CDH10: variants seen among roughly 807,000 people sequenced by gnomAD.
CDH10 encodes the protein cadherin-10.
CDH10 carries 30 observed loss-of-function variants against 73.1 expected under a neutral mutation model. The observed-to-expected ratio is 0.41, with a 90% CI of 0.31 to 0.56. CDH10 has a LOEUF of 0.56. CDH10 is among the 20% of genes least tolerant of loss of function. The pLI is 0.27. For missense variants in CDH10, 815 were observed against 973.7 expected (o/e 0.84, Z 2.17); for synonymous variants, 345 against 348.2 (o/e 0.99, Z 0.10).
chr5:24,556,608 C>A (rs982411339), intron 2 of CDH10, among the ~76,000 whole-genome samples: 1 of 151,496 alleles, frequency 6.6e-6, no homozygotes. Context: ...CTAAAAAATA[C>A]CCTAAAAGTG....
chr5:24,618,702 A>T (rs2112162132), intron 1 of CDH10, among the ~76,000 whole-genome samples: 1 of 152,320 alleles, frequency 6.6e-6, no homozygotes, highest in African/African-American at 2.4e-5. Context: ...GTAATTATCT[A>T]AATAATGCTT....
intron 5 of CDH10, among the ~76,000 whole-genome samples, chr5:24,519,049 C>A (rs899570249): frequency 5.3e-5 from 8 of 151,696 alleles, no homozygotes; most frequent in African/African-American, 1.9e-4. Context: ...CACCACCATG[C>A]CTGGCTAATT....
intron 2 of CDH10, among the ~76,000 whole-genome samples, chr5:24,561,552 C>T (rs999493935): frequency 6.6e-6 from 1 of 152,060 alleles, no homozygotes; most frequent in Non-Finnish European, 1.5e-5. Flanking sequence ...CCTTTCCCTC[C>T]CTGTAGTAAT....
chr5:24,490,037 T>C (rs574968914), intron 11 of CDH10, among the ~76,000 whole-genome samples: 1 of 152,096 alleles, frequency 6.6e-6, no homozygotes, highest in South Asian at 2.1e-4. Context: ...ATGCCAGACA[T>C]TTTTTTGTCA....
At chr5:24,520,999 C>T (rs189295931) in intron 5 of CDH10, among the ~76,000 whole-genome samples, 120 of 152,082 alleles carry the variant, frequency 7.9e-4, no homozygotes, top group African/African-American at 2.7e-3. Flanking sequence ...AGCCACCGTG[C>T]CCGGCCACAA....
intron 1 of CDH10, among the ~76,000 whole-genome samples, chr5:24,629,647 C>A (rs1747637763): frequency 6.6e-6 from 1 of 152,080 alleles, no homozygotes; most frequent in Non-Finnish European, 1.5e-5. Context: ...CCATGTTGTT[C>A]TCATGATAGT....
chr5:24,511,426 A>G lies in CDH10; in HGVS notation c.903T>C (p.Asn301=). 1.2e-6 allele frequency: 2 copies of G among 1,611,510 alleles called. No homozygotes were observed. Among genetic ancestry groups the G allele is most frequent in the Non-Finnish European group, 1.7e-6 (2 of 1,177,670 alleles). ...VKATDADTGK[N]AEVEYRIIDG... Reference sequence around the variant, plus strand: ...CAATAATTCGGTATTCTACTTCAGCATTTTTCCCAGTGTCAGCATCAGTTG... The same window carrying G: ...CAATAATTCGGTATTCTACTTCAGCGTTTTTCCCAGTGTCAGCATCAGTTG... The change falls in exon 6 of 12, where the codon AAT becomes AAC. Residue 301 remains asparagine (N), a synonymous_variant. Transcript: ENST00000264463.
chr5:24,527,153 G>T (rs1250132548), intron 5 of CDH10, among the ~76,000 whole-genome samples: 1 of 150,008 alleles, frequency 6.7e-6, no homozygotes, highest in East Asian at 2.0e-4. Context: ...ACACATTTAT[G>T]TTTTGTGTAT....
chr5:24,620,352 T>G (rs1299930938), intron 1 of CDH10, among the ~76,000 whole-genome samples: 1 of 152,136 alleles, frequency 6.6e-6, no homozygotes, highest in African/African-American at 2.4e-5. Context: ...CCCTCAATAA[T>G]TACATCTCCA....
intron 1 of CDH10, among the ~76,000 whole-genome samples, chr5:24,602,934 C>T (rs557296201): frequency 5.3e-5 from 8 of 152,220 alleles, no homozygotes; most frequent in South Asian, 2.1e-4. Context: ...TGAATACATT[C>T]GCTATCCTGA....
intron 7 of CDH10, among the ~76,000 whole-genome samples, chr5:24,508,813 C>A (rs1742790762): frequency 1.3e-5 from 2 of 152,258 alleles, no homozygotes; most frequent in African/African-American, 2.4e-5. Context: ...ACCAGCACAT[C>A]CAGCCTACTT....
chr5:24,572,271 C>A (rs973288765), intron 2 of CDH10, among the ~76,000 whole-genome samples: 3 of 152,112 alleles, frequency 2.0e-5, no homozygotes, highest in African/African-American at 4.8e-5. Flanking sequence ...TGCCTTTCAA[C>A]TTCCAGGTAA....
intron 1 of CDH10, among the ~76,000 whole-genome samples, chr5:24,628,793 G>C (rs1466278175): frequency 6.6e-6 from 1 of 151,072 alleles, no homozygotes; most frequent in Non-Finnish European, 1.5e-5. Flanking sequence ...TTTGCTCACA[G>C]AAATACAAAT....
rs936944997 is a variant in CDH10 at position 24,525,640 on chromosome 5, A to G, written c.814+9472T>C. On this transcript the variant is annotated intron_variant, in intron 5 of 11. Coordinates refer to ENST00000264463, the MANE Select transcript of CDH10 (RefSeq NM_006727.5). ...TTAGGAGAAAGCAGAGGAGAGCTGA[A>G]AGTCACACCAGAGACTGAGAAACTA... Among the ~76,000 whole-genome samples the G allele has an allele frequency of 3.9e-5, 6 of 152,088 alleles. No individual in the cohort carries two copies. In the East Asian group the frequency reaches 1.2e-3, roughly 29 times the overall value.
intron 5 of CDH10, among the ~76,000 whole-genome samples, chr5:24,522,805 T>C (rs571737149): frequency 6.6e-6 from 1 of 152,316 alleles, no homozygotes; most frequent in East Asian, 1.9e-4. Context: ...CTTTGACCTT[T>C]GGGAGCAATG....
chr5:24,495,987 G>T (rs1742274505), intron 9 of CDH10, among the ~76,000 whole-genome samples: 1 of 152,106 alleles, frequency 6.6e-6, no homozygotes, highest in Non-Finnish European at 1.5e-5. Context: ...CTTAAGGAAT[G>T]CTTCAGTGAT....
chr5:24,531,748 G>A (rs1362910218), intron 5 of CDH10, among the ~76,000 whole-genome samples: 7 of 152,104 alleles, frequency 4.6e-5, no homozygotes, highest in African/African-American at 1.4e-4. Context: ...AATTCAAGAT[G>A]AGATTGGGGT....
At chr5:24,601,778 G>A (rs1262226731) in intron 1 of CDH10, among the ~76,000 whole-genome samples, 1 of 151,726 alleles carries the variant, frequency 6.6e-6, no homozygotes, top group South Asian at 2.1e-4. Context: ...AAGCTTGAAT[G>A]GGTTAAAGTC....
intron 1 of CDH10, among the ~76,000 whole-genome samples, chr5:24,596,623 C>A (rs1746380097): frequency 6.6e-6 from 1 of 151,882 alleles, no homozygotes; most frequent in Non-Finnish European, 1.5e-5. Context: ...ATATCCGAAA[C>A]CAGATAATTT....
Sources: allele counts gnomAD v4.1 joint callset (sites outside exome capture counted in the v4.1 genomes callset), GRCh38; gene constraint gnomAD v4.1.1; transcripts MANE v1.5; gene names NCBI Gene and HGNC (gene_info 2026-07-23, HGNC 2026-07-21).